Variants in CYB5D2 observed in about 807,000 individuals in gnomAD.
The protein encoded by CYB5D2 is neuferricin.
CYB5D2 carries 23 observed loss-of-function variants against 22.8 expected under a neutral mutation model. The observed-to-expected ratio is 1.01, with a 90% CI of 0.73 to 1.43. The LOEUF (loss-of-function observed/expected upper bound fraction) is 1.43. CYB5D2 is among the 40% of genes most tolerant of loss of function. The pLI, the probability that CYB5D2 is intolerant of heterozygous loss-of-function variation, is 0.00. For missense variants in CYB5D2, 373 were observed against 357.2 expected, an observed-to-expected ratio of 1.04 and a Z score of -0.36; for synonymous variants, 170 against 152.2, an observed-to-expected ratio of 1.12 and a Z score of -0.86.
intron 2 of CYB5D2, 111 bp downstream of exon 2, chr17:4,150,142 T>C (rs2142993970): frequency 7.3e-7 from 1 of 1,362,292 alleles, no homozygotes. Context: ...CAGCCATGGA[T>C]TTGTTTTACT....
intron 1 of CYB5D2, 33 bp downstream of exon 1, chr17:4,144,038 G>T: frequency 1.9e-6 from 3 of 1,547,562 alleles, no homozygotes; most frequent in Non-Finnish European, 1.7e-6. Flanking sequence ...CTTTCTCTCC[G>T]CTGGCGCGAG....
intron 2 of CYB5D2, among the ~76,000 whole-genome samples, chr17:4,154,285 T>C (rs2059089128): frequency 1.3e-5 from 2 of 152,206 alleles, no homozygotes; most frequent in East Asian, 1.9e-4. Flanking sequence ...ATCTCTATTA[T>C]AATAAACATT....
chr17:4,153,225 G>A (rs948394692), intron 2 of CYB5D2, among the ~76,000 whole-genome samples: 1 of 152,204 alleles, frequency 6.6e-6, no homozygotes, highest in African/African-American at 2.4e-5. Flanking sequence ...ATGCTCAGGA[G>A]TGGCTTCTTG....
chr17:4,144,102 C>A, intron 1 of CYB5D2, 97 bp downstream of exon 1: 2 of 1,462,758 alleles, frequency 1.4e-6, no homozygotes. Context: ...ATTTCCCCCC[C>A]CATCCCCACC....
chr17:4,146,515 C>T (rs62072181), intron 1 of CYB5D2, among the ~76,000 whole-genome samples: 31,899 of 151,974 alleles, frequency 0.21, 3,433 homozygotes, highest in Middle Eastern at 0.27. Context: ...CTCAGCCTCC[C>T]GAGTAGCTGG....
At chr17:4,153,045 T>C (rs2059074460) in intron 2 of CYB5D2, among the ~76,000 whole-genome samples, 1 of 152,150 alleles carries the variant, frequency 6.6e-6, no homozygotes, top group Non-Finnish European at 1.5e-5. Context: ...CCCAAAGTGC[T>C]GGGATTACAG....
At chr17:4,151,584 G>A (rs1374234322) in intron 2 of CYB5D2, among the ~76,000 whole-genome samples, 2 of 152,050 alleles carry the variant, frequency 1.3e-5, no homozygotes, top group African/African-American at 4.8e-5. Flanking sequence ...CTACTCAGGA[G>A]GCTGAGACGG....
rs778381565 is a variant in CYB5D2 at position 4,156,995 on chromosome 17, C to G, written c.708C>G (p.His236Gln). The G allele has an allele frequency of 1.2e-6, 2 of 1,612,910 alleles. No homozygotes were observed. Among genetic ancestry groups the G allele is most frequent in the East Asian group, 2.2e-5 (1 of 44,878 alleles). Residue 236 changes from histidine (H) to glutamine (Q), a missense_variant, in exon 4 of 4, where the codon CAC becomes CAG. By Grantham distance (24) the His-to-Gln change is conservative. Transcript: ENST00000301391. ...PSGQMPDNPP[H>Q]RNRGDLDHPN... ...GCCAGATGCCGGACAACCCTCCACA[C>G]AGAAATCGTGGGGACCTGGACCACC...
intron 1 of CYB5D2, among the ~76,000 whole-genome samples, chr17:4,146,695 G>GT (rs2058996105): frequency 7.0e-6 from 1 of 143,156 alleles, no homozygotes; most frequent in Admixed American, 7.1e-5. Context: ...TGGCCCGGTG[G>GT]GTTTTTTTTT....
chr17:4,144,099 C>CCCCCATCCCCACCCCACATCCATCAAA, intron 1 of CYB5D2, 94 bp downstream of exon 1: 1 of 1,473,814 alleles, frequency 6.8e-7, no homozygotes. Flanking sequence ...TCTATTTCCC[C>CCCCCATCCCCACCCCACATCCATCAAA]CCCCATCCCC....
intron 2 of CYB5D2, among the ~76,000 whole-genome samples, chr17:4,153,125 A>T (rs972034584): frequency 1.3e-5 from 2 of 152,222 alleles, no homozygotes; most frequent in Admixed American, 1.3e-4. Flanking sequence ...GAGCCATCAT[A>T]GACAAGTAAA....
chr17:4,149,382 A>G (rs2059028340), intron 1 of CYB5D2, among the ~76,000 whole-genome samples: 1 of 152,224 alleles, frequency 6.6e-6, no homozygotes, highest in Admixed American at 6.5e-5. Context: ...GCCGAAGGTA[A>G]AAGAAAGAAT....
chr17:4,146,612 G>A (rs945373369), intron 1 of CYB5D2, among the ~76,000 whole-genome samples: 1 of 151,638 alleles, frequency 6.6e-6, no homozygotes, highest in East Asian at 1.9e-4. Context: ...GGATGGTCTC[G>A]ATCTCCTGAC....
intron 1 of CYB5D2, among the ~76,000 whole-genome samples, chr17:4,149,247 G>A (rs1419748808): frequency 1.3e-5 from 2 of 152,232 alleles, no homozygotes; most frequent in Non-Finnish European, 2.9e-5. Context: ...AACCACAGGT[G>A]TGGATGAGAT....
chr17:4,155,926 A>C (rs1375724266), intron 3 of CYB5D2, among the ~76,000 whole-genome samples: 5 of 152,190 alleles, frequency 3.3e-5, no homozygotes. Flanking sequence ...GCCTCAGCTC[A>C]GTTTGTTGTC....
At chr17:4,144,321 G>T (rs1356467216) in intron 1 of CYB5D2, among the ~76,000 whole-genome samples, 1 of 143,880 alleles carries the variant, frequency 7.0e-6, no homozygotes, top group Non-Finnish European at 1.5e-5. Flanking sequence ...ACTTTTGTGG[G>T]GGCTCTTAGG....
intron 1 of CYB5D2, among the ~76,000 whole-genome samples, chr17:4,149,611 C>T (rs2059031126): frequency 6.6e-6 from 1 of 151,808 alleles, no homozygotes; most frequent in African/African-American, 2.4e-5. Context: ...AGCCTGGCCA[C>T]CATGGTGAAA....
Position 4,143,630 on chromosome 17 carries a change from A to C in CYB5D2, c.-126A>C, listed in dbSNP as rs2058921096. Reference sequence around the variant, plus strand: ...GAGAGAGACTAAGGGAGGGAGCGCGAGCACTAGCGCGCGAGAGAGAGAGCG... The same window carrying C: ...GAGAGAGACTAAGGGAGGGAGCGCGCGCACTAGCGCGCGAGAGAGAGAGCG... On this transcript the variant is annotated 5_prime_UTR_variant, in exon 1 of 4. Transcript: ENST00000301391. The C allele has an allele frequency of 1.5e-6, 2 of 1,338,528 alleles. No individual in the cohort carries two copies. Among genetic ancestry groups the C allele is most frequent in the Non-Finnish European group, 2.0e-6 (2 of 980,130 alleles). The allele number at this position is 1,338,528 out of a possible 1,614,324, so 82.9% of individuals were successfully genotyped here. A position where few individuals can be genotyped will look rare whatever the true frequency, so the allele number is the denominator to read the frequency against.
intron 2 of CYB5D2, 107 bp from the exon 3 acceptor site, chr17:4,154,567 G>A (rs572045225): frequency 1.2e-5 from 16 of 1,299,616 alleles, no homozygotes; most frequent in South Asian, 3.0e-5. Flanking sequence ...TATTAAACGC[G>A]CACCAGCAGG....
Sources: gnomAD v4.1 joint callset for allele counts (sites outside exome capture counted in the v4.1 genomes callset) on GRCh38, gnomAD v4.1.1 for gene constraint, MANE v1.5 for transcripts, NCBI Gene and HGNC (gene_info 2026-07-23, HGNC 2026-07-21) for gene names.